Variants in PTPRD observed in about 807,000 individuals in gnomAD.
PTPRD encodes the protein receptor-type tyrosine-protein phosphatase delta.
In PTPRD, 34 loss-of-function variants were observed where a neutral mutation model predicts 214.5. That is an observed-to-expected ratio of 0.16 (90% confidence interval 0.12 to 0.21). The LOEUF is 0.21. PTPRD is among the 10% of genes least tolerant of loss of function. PTPRD has a pLI of 1.00. For synonymous variants in PTPRD, 1,128 were observed against 845.7 expected (o/e 1.33, Z -5.79); for missense variants, 2,545 against 2,398.7 (o/e 1.06, Z -1.27).
chr9:9,775,429 C>A (rs185887285), intron 5 of PTPRD, among the ~76,000 whole-genome samples: 1 of 152,156 alleles, frequency 6.6e-6, no homozygotes. Flanking sequence ...TGTTTGACCT[C>A]ATTTCCCTCA....
At chr9:8,434,215 C>A (rs938587271) in intron 35 of PTPRD, among the ~76,000 whole-genome samples, 7 of 152,196 alleles carry the variant, frequency 4.6e-5, no homozygotes, top group Non-Finnish European at 8.8e-5. Flanking sequence ...CTCCTGAACT[C>A]AGGTGATCCA....
At chr9:9,150,471 A>ATATATAC (rs920423039) in intron 10 of PTPRD, among the ~76,000 whole-genome samples, 1 of 147,406 alleles carries the variant, frequency 6.8e-6, no homozygotes, top group African/African-American at 2.5e-5. Flanking sequence ...TATATATATA[A>ATATATAC]TATATACTAT....
At chr9:10,088,519 T>C (rs1376204312) in intron 3 of PTPRD, among the ~76,000 whole-genome samples, 3 of 151,704 alleles carry the variant, frequency 2.0e-5, no homozygotes, top group Non-Finnish European at 4.4e-5. Context: ...ATGAGTCCTA[T>C]AGTTTATTAG....
chr9:9,556,135 GTATGT>G (rs1591504865), intron 8 of PTPRD, among the ~76,000 whole-genome samples: 2 of 151,996 alleles, frequency 1.3e-5, no homozygotes, highest in East Asian at 3.9e-4. Context: ...TACATATTTT[GTATGT>G]TATATGTATT....
At chr9:8,508,183 T>C (rs920782845) in intron 21 of PTPRD, among the ~76,000 whole-genome samples, 14 of 152,196 alleles carry the variant, frequency 9.2e-5, no homozygotes, top group African/African-American at 2.4e-5. Context: ...CTTAAAGAGA[T>C]CATCTATAAT....
chr9:10,181,393 G>A (rs969266128), intron 3 of PTPRD, among the ~76,000 whole-genome samples: 1 of 152,084 alleles, frequency 6.6e-6, no homozygotes, highest in African/African-American at 2.4e-5. Flanking sequence ...GAGAAATTCT[G>A]TGTTCACAGT....
At chr9:8,996,766 G>A (rs2099398454) in intron 11 of PTPRD, among the ~76,000 whole-genome samples, 1 of 151,934 alleles carries the variant, frequency 6.6e-6, no homozygotes, top group Non-Finnish European at 1.5e-5. Flanking sequence ...TGAGCCTCAT[G>A]GCCTAATCAC....
chr9:9,630,737 T>A (rs1343841814), intron 7 of PTPRD, among the ~76,000 whole-genome samples: 1 of 152,192 alleles, frequency 6.6e-6, no homozygotes, highest in Admixed American at 6.5e-5. Context: ...GATTTTATAA[T>A]ATTCACATAT....
intron 2 of PTPRD, among the ~76,000 whole-genome samples, chr9:10,468,610 C>A (rs1241068981): frequency 1.3e-5 from 2 of 152,052 alleles, no homozygotes; most frequent in South Asian, 4.2e-4. Flanking sequence ...AACTAACCTG[C>A]ACATTCTGCA....
chr9:10,542,743 A>T (rs530108163), intron 2 of PTPRD, among the ~76,000 whole-genome samples: 15 of 151,858 alleles, frequency 9.9e-5, no homozygotes, highest in South Asian at 2.1e-4. Flanking sequence ...TTTGAGACAG[A>T]GTTTCACTCT....
chr9:9,510,512 T>A (rs1412511565), intron 8 of PTPRD, among the ~76,000 whole-genome samples: 4 of 151,690 alleles, frequency 2.6e-5, no homozygotes, highest in African/African-American at 9.7e-5. Flanking sequence ...ATACTGGTAA[T>A]ATCTGTCACT....
chr9:8,585,376 A>G (rs1564528273), intron 14 of PTPRD, among the ~76,000 whole-genome samples: 1 of 152,174 alleles, frequency 6.6e-6, no homozygotes, highest in African/African-American at 2.4e-5. Flanking sequence ...GGTTCTGTCA[A>G]GGTTTAATCA....
intron 3 of PTPRD, among the ~76,000 whole-genome samples, chr9:10,328,711 T>C (rs78561443): frequency 0.049 from 7,501 of 151,858 alleles, 628 homozygotes; most frequent in African/African-American, 0.17. Context: ...TTCATCTCTA[T>C]GCAGCAAAAG....
intron 5 of PTPRD, among the ~76,000 whole-genome samples, chr9:9,928,533 A>T (rs2085157486): frequency 6.6e-6 from 1 of 152,152 alleles, no homozygotes; most frequent in African/African-American, 2.4e-5. Flanking sequence ...AAGTAAAGAG[A>T]TATTTCACTA....
chr9:8,627,503 AATT>A lies in PTPRD; in HGVS notation c.352+5811_352+5813del, dbSNP rs2096081285. Among the ~76,000 whole-genome samples, 3 of 151,954 alleles carry A rather than the reference AATT, an allele frequency of 2.0e-5. No homozygotes were observed. In the South Asian group the frequency reaches 6.2e-4, roughly 31 times the overall value. ...TCGCATGAGTTGATGTTCATTTCAA[AATT>A]ATTAAAAATAATATTTTAATATGAA... On this transcript the variant is annotated intron_variant, in intron 14 of 45. Transcript: ENST00000381196.
At chr9:10,298,545 T>A (rs2095758265) in intron 3 of PTPRD, among the ~76,000 whole-genome samples, 1 of 152,144 alleles carries the variant, frequency 6.6e-6, no homozygotes, top group Non-Finnish European at 1.5e-5. Flanking sequence ...TTCACTTAAT[T>A]GCCATCATTC....
chr9:9,779,969 T>C lies in PTPRD; in HGVS notation c.-367-13118A>G, dbSNP rs2098830139. ...GACACATACGCTCATATGTTCATCATTGTGTCATTCATCATAGCGAAGACG... is the reference window on the plus strand; with the variant it reads ...GACACATACGCTCATATGTTCATCACTGTGTCATTCATCATAGCGAAGACG... On this transcript the variant is annotated intron_variant, in intron 5 of 45. Transcript: ENST00000381196. Among the ~76,000 whole-genome samples the C allele has an allele frequency of 2.0e-5, 3 of 152,200 alleles. No homozygotes were observed. In the South Asian group the frequency reaches 6.2e-4, roughly 31 times the overall value.
intron 8 of PTPRD, among the ~76,000 whole-genome samples, chr9:9,420,894 T>A (rs1222104676): frequency 6.6e-6 from 1 of 151,952 alleles, no homozygotes; most frequent in East Asian, 1.9e-4. Context: ...TTTGTTAAAA[T>A]ATTTGACCAG....
chr9:9,930,607 G>C (rs1174554385), intron 5 of PTPRD, among the ~76,000 whole-genome samples: 2 of 152,066 alleles, frequency 1.3e-5, no homozygotes, highest in Non-Finnish European at 2.9e-5. Context: ...ATTATATAAT[G>C]TAATTTTTAT....
Sources: gnomAD v4.1 joint callset for allele counts (sites outside exome capture counted in the v4.1 genomes callset) on GRCh38, gnomAD v4.1.1 for gene constraint, MANE v1.5 for transcripts, NCBI Gene and HGNC (gene_info 2026-07-23, HGNC 2026-07-21) for gene names.